FNBP1: variants seen among roughly 807,000 people sequenced by gnomAD.
FNBP1 encodes formin binding protein 1.
A neutral mutation model predicts 90.6 loss-of-function variants in FNBP1; 26 were observed. The ratio of observed to expected loss-of-function variants is 0.29; its 90% CI spans 0.21 to 0.40. The LOEUF (loss-of-function observed/expected upper bound fraction) is 0.40. FNBP1 is among the 10% of genes least tolerant of loss of function. The pLI is 1.00. For synonymous variants in FNBP1, 260 were observed against 265.2 expected (o/e 0.98, Z 0.19); for missense variants, 635 against 768.0 (o/e 0.83, Z 2.05).
At chr9:129,929,201 T>C (rs975285550) in intron 7 of FNBP1, among the ~76,000 whole-genome samples, 12 of 151,926 alleles carry the variant, frequency 7.9e-5, no homozygotes, top group African/African-American at 2.9e-4. Flanking sequence ...CCTGAGGTCA[T>C]GACTTTGAGA....
intron 8 of FNBP1, among the ~76,000 whole-genome samples, chr9:129,925,589 CTT>C (rs576015094): frequency 3.7e-4 from 25 of 67,106 alleles, no homozygotes; most frequent in Non-Finnish European, 5.0e-4. Flanking sequence ...TTCCTAGTAG[CTT>C]TTTTTTTTTT....
chr9:129,922,542 A>T (rs1297246269), intron 10 of FNBP1, among the ~76,000 whole-genome samples: 1 of 152,210 alleles, frequency 6.6e-6, no homozygotes, highest in Non-Finnish European at 1.5e-5. Context: ...TGGGCTTCAT[A>T]GGGTGGCTGG....
At chr9:129,978,005 G>C (rs1315098495) in intron 4 of FNBP1, among the ~76,000 whole-genome samples, 3 of 151,722 alleles carry the variant, frequency 2.0e-5, no homozygotes, top group Admixed American at 1.3e-4. Context: ...TAGGAACAGG[G>C]TCTGTAACTT....
chr9:130,017,584 C>G (rs1329803779), intron 1 of FNBP1, among the ~76,000 whole-genome samples: 2 of 152,130 alleles, frequency 1.3e-5, no homozygotes, highest in African/African-American at 4.8e-5. Context: ...AATCTCAGCA[C>G]TTTGGGAGGC....
At chr9:129,992,328 C>A (rs1482537874) in intron 2 of FNBP1, among the ~76,000 whole-genome samples, 1 of 152,212 alleles carries the variant, frequency 6.6e-6, no homozygotes. Flanking sequence ...TCTATTCCTA[C>A]TTTCAGTTCG....
intron 1 of FNBP1, among the ~76,000 whole-genome samples, chr9:130,013,033 T>C (rs968222353): frequency 1.3e-5 from 2 of 152,178 alleles, no homozygotes; most frequent in Non-Finnish European, 2.9e-5. Flanking sequence ...CACGAAAAGA[T>C]AGCATTGAGG....
chr9:129,961,749 T>A (rs2047859936), intron 4 of FNBP1, among the ~76,000 whole-genome samples: 1 of 152,008 alleles, frequency 6.6e-6, no homozygotes, highest in Admixed American at 6.6e-5. Context: ...CACGCCCAGC[T>A]AATTTTTTGT....
At chr9:129,902,685 G>C (rs2037182871) in intron 13 of FNBP1, among the ~76,000 whole-genome samples, 184 bp downstream of exon 13, 1 of 152,178 alleles carries the variant, frequency 6.6e-6, no homozygotes, top group Non-Finnish European at 1.5e-5. Context: ...GATAGGCTAT[G>C]ATGAGTAGGA....
chr9:129,892,414 C>CAAACAA (rs33944894), intron 16 of FNBP1, among the ~76,000 whole-genome samples: 4 of 125,232 alleles, frequency 3.2e-5, no homozygotes, highest in South Asian at 2.6e-4. Context: ...CACACACACA[C>CAAACAA]ACAAAAAGGT....
intron 1 of FNBP1, among the ~76,000 whole-genome samples, chr9:130,015,299 G>A (rs1570379): frequency 0.97 from 147,382 of 152,262 alleles, 71,520 homozygotes; most frequent in East Asian, 1. Flanking sequence ...ACAGAGCTAT[G>A]AAGAAATATC....
intron 11 of FNBP1, among the ~76,000 whole-genome samples, chr9:129,911,446 C>T (rs2131591620): frequency 6.6e-6 from 1 of 152,260 alleles, no homozygotes. Context: ...ATCTCATTTC[C>T]ACATGGTTGT....
At chr9:129,908,629 T>C (rs2038632075) in intron 12 of FNBP1, among the ~76,000 whole-genome samples, 1 of 152,258 alleles carries the variant, frequency 6.6e-6, no homozygotes, top group South Asian at 2.1e-4. Context: ...CTTGGCTCAC[T>C]GCAACCTCTG....
At chr9:129,912,225 G>A (rs1253332385) in intron 11 of FNBP1, among the ~76,000 whole-genome samples, 1 of 152,066 alleles carries the variant, frequency 6.6e-6, no homozygotes, top group Non-Finnish European at 1.5e-5. Context: ...GATATATAGC[G>A]GAAGCCTCCA....
chr9:130,050,274 C>T, the FNBP1 span, among the ~76,000 whole-genome samples: 11 of 152,084 alleles, frequency 7.2e-5, no homozygotes, highest in African/African-American at 2.4e-4. Context: ...ATTTTTACAA[C>T]GAATAATCCA....
At chr9:130,040,072 G>A (rs1377394970) in intron 1 of FNBP1, among the ~76,000 whole-genome samples, 2 of 152,004 alleles carry the variant, frequency 1.3e-5, no homozygotes, top group Non-Finnish European at 2.9e-5. Flanking sequence ...CTTAATCACT[G>A]CCCTCCGCTG....
At chr9:129,931,342 G>GC (rs757795707) in intron 6 of FNBP1, among the ~76,000 whole-genome samples, 79 of 152,102 alleles carry the variant, frequency 5.2e-4, no homozygotes, top group Admixed American at 2.2e-3. Context: ...GGTGGCTCAC[G>GC]CCTGTAATCC....
chr9:129,978,376 T>C, intron 4 of FNBP1, 89 bp downstream of exon 4: 2 of 1,133,302 alleles, frequency 1.8e-6, no homozygotes, highest in Non-Finnish European at 1.3e-6. Context: ...CATAGTCTTA[T>C]ATGGTTTTAT....
intron 10 of FNBP1, among the ~76,000 whole-genome samples, chr9:129,922,413 A>C (rs868215943): frequency 2.0e-5 from 3 of 152,218 alleles, no homozygotes; most frequent in Admixed American, 6.5e-5. Context: ...TGGATGTCAC[A>C]GAATCTCAGA....
chr9:129,897,912 C>A (rs1380515492), intron 15 of FNBP1, among the ~76,000 whole-genome samples: 3 of 152,162 alleles, frequency 2.0e-5, no homozygotes, highest in Non-Finnish European at 4.4e-5. Context: ...TCACTGCAAC[C>A]TCTGCCTCCT....
Sources: gnomAD v4.1 joint callset for allele counts (sites outside exome capture counted in the v4.1 genomes callset) on GRCh38, gnomAD v4.1.1 for gene constraint, MANE v1.5 for transcripts, NCBI Gene and HGNC (gene_info 2026-07-23, HGNC 2026-07-21) for gene names.